Variants in PCDHA12 observed in about 807,000 individuals in gnomAD.
The protein encoded by PCDHA12 is protocadherin alpha-12.
In PCDHA12, 44 loss-of-function variants were observed where a neutral mutation model predicts 60.0. The observed-to-expected ratio is 0.73, with a 90% CI of 0.58 to 0.94. PCDHA12 has a LOEUF of 0.94. Among genes scored for constraint, PCDHA12 ranks in the 40% least tolerant of loss-of-function variants. The probability of loss-of-function intolerance (pLI) is 0.00; values close to 1 mark genes in which losing one functional copy is unlikely to be tolerated. For missense variants in PCDHA12, 1,276 were observed against 1,239.7 expected, an observed-to-expected ratio of 1.03 and a Z score of -0.44; for synonymous variants, 569 against 553.0, an observed-to-expected ratio of 1.03 and a Z score of -0.40.
At chr5:140,950,168 T>C (rs2094454639) in intron 1 of PCDHA12, among the ~76,000 whole-genome samples, 1 of 151,996 alleles carries the variant, frequency 6.6e-6, no homozygotes, top group Non-Finnish European at 1.5e-5. Context: ...TTATGTACTT[T>C]AGAGAATTAA....
At chr5:140,981,458 C>T (rs1465511355) in intron 2 of PCDHA12, among the ~76,000 whole-genome samples, 5 of 152,134 alleles carry the variant, frequency 3.3e-5, no homozygotes, top group African/African-American at 4.8e-5. Flanking sequence ...CCTGTAGTCC[C>T]AGCTACTTGG....
At chr5:140,955,381 T>TG (rs782287731) in intron 1 of PCDHA12, among the ~76,000 whole-genome samples, 4 of 152,136 alleles carry the variant, frequency 2.6e-5, no homozygotes, top group Non-Finnish European at 5.9e-5. Context: ...AATTGAATCA[T>TG]GGGGGCAATT....
Position 140,882,403 on chromosome 5 carries a change from G to A in PCDHA12, c.2367+4564G>A, listed in dbSNP as rs536389638. ...AGGAAGCAAAACACGGCACCTTCGTGGGCCGCATCGCTCAGGACCTGGGGC... is the reference window on the plus strand; with the variant it reads ...AGGAAGCAAAACACGGCACCTTCGTAGGCCGCATCGCTCAGGACCTGGGGC... On this transcript the variant is annotated intron_variant, in intron 1 of 3. Transcript: ENST00000398631. 1.9e-5 allele frequency: 31 copies of A among 1,614,168 alleles called. No homozygotes were observed. In the South Asian group the frequency reaches 3.3e-4, roughly 17 times the overall value.
intron 1 of PCDHA12, among the ~76,000 whole-genome samples, chr5:140,942,439 A>C (rs1554214983): frequency 6.6e-6 from 1 of 152,200 alleles, no homozygotes; most frequent in Non-Finnish European, 1.5e-5. Context: ...AACAATAAAC[A>C]AGTAAACTAT....
intron 2 of PCDHA12, among the ~76,000 whole-genome samples, chr5:140,979,550 T>C (rs1201791524): frequency 5.3e-5 from 8 of 152,238 alleles, no homozygotes; most frequent in Non-Finnish European, 7.3e-5. Flanking sequence ...ACATGGTTCT[T>C]CAGAAGATGA....
intron 1 of PCDHA12, chr5:140,927,184 G>A (rs781951426): frequency 1.2e-6 from 2 of 1,614,160 alleles, no homozygotes; most frequent in South Asian, 1.1e-5. Context: ...CTTGACCTAC[G>A]ACCTGGTGCT....
intron 1 of PCDHA12, 107 bp downstream of exon 1, chr5:140,877,946 C>T (rs996993086): frequency 3.2e-5 from 43 of 1,349,440 alleles, no homozygotes; most frequent in Non-Finnish European, 4.0e-5. Context: ...TTTAAACTAT[C>T]GAATGTCTCA....
intron 1 of PCDHA12, among the ~76,000 whole-genome samples, chr5:140,886,844 A>AAAAG (rs1232979230): frequency 8.6e-5 from 13 of 150,634 alleles, no homozygotes; most frequent in African/African-American, 1.2e-4. Flanking sequence ...AAAAAAAAAA[A>AAAAG]AAAGAAAGGT....
At chr5:140,992,319 T>C (rs1474763849) in intron 3 of PCDHA12, among the ~76,000 whole-genome samples, 1 of 152,174 alleles carries the variant, frequency 6.6e-6, no homozygotes, top group Admixed American at 6.6e-5. Context: ...GGGCATTCCC[T>C]TTTCTAAGAG....
chr5:140,919,357 G>C (rs1158844072), intron 1 of PCDHA12, among the ~76,000 whole-genome samples: 3 of 152,148 alleles, frequency 2.0e-5, no homozygotes, highest in Non-Finnish European at 4.4e-5. Flanking sequence ...GAATCTAAAA[G>C]TGTCTCCTGC....
intron 1 of PCDHA12, chr5:140,883,572 T>C: frequency 6.2e-7 from 1 of 1,614,098 alleles, no homozygotes; most frequent in Non-Finnish European, 8.5e-7. Flanking sequence ...TCGCCTTCGC[T>C]GTGGGCCACG....
intron 3 of PCDHA12, among the ~76,000 whole-genome samples, chr5:141,004,792 C>G (rs2098181519): frequency 6.6e-6 from 1 of 152,170 alleles, no homozygotes; most frequent in African/African-American, 2.4e-5. Flanking sequence ...CAGGCAGATT[C>G]TGGCTGAGCT....
intron 1 of PCDHA12, 142 bp from the exon 2 acceptor site, chr5:140,978,807 A>T (rs1489269679): frequency 6.7e-7 from 1 of 1,494,726 alleles, no homozygotes; most frequent in Non-Finnish European, 8.9e-7. Context: ...AGATATCATC[A>T]TAGAGTTACA....
At position 140,885,065 on chromosome 5, in the gene PCDHA12, T is replaced by TA. The variant is rs1440762512; in HGVS notation, c.2367+7227dup. ...TTAATGTATACATATACCCACAAGATATTATTTTAAAGAGCCCCATAACTT... is the reference window on the plus strand; with the variant it reads ...TTAATGTATACATATACCCACAAGATAATTATTTTAAAGAGCCCCATAACTT... On this transcript the variant is annotated intron_variant, in intron 1 of 3. Coordinates refer to ENST00000398631, the MANE Select transcript of PCDHA12 (RefSeq NM_018903.4). Among the ~76,000 whole-genome samples the TA allele has an allele frequency of 7.2e-5, 11 of 152,294 alleles. 1 individual carries two copies. Among genetic ancestry groups the TA allele is most frequent in the African/African-American group, 2.6e-4 (11 of 41,580 alleles).
At chr5:140,962,207 A>G (rs1364251526) in intron 1 of PCDHA12, among the ~76,000 whole-genome samples, 13 of 152,236 alleles carry the variant, frequency 8.5e-5, no homozygotes, top group Admixed American at 3.3e-4. Flanking sequence ...CTATCTCCTT[A>G]TTGATCTTGA....
At chr5:140,968,508 A>C (rs977964716) in intron 1 of PCDHA12, 1 of 1,613,950 alleles carries the variant, frequency 6.2e-7, no homozygotes, top group African/African-American at 1.3e-5. Context: ...CACATTCTGT[A>C]CCCTACCTCA....
At chr5:140,909,484 G>A (rs981292788) in intron 1 of PCDHA12, among the ~76,000 whole-genome samples, 1 of 152,180 alleles carries the variant, frequency 6.6e-6, no homozygotes, top group African/African-American at 2.4e-5. Context: ...CTAAATAGGA[G>A]AGCTGAACGG....
chr5:140,915,553 A>T (rs1317422262), intron 1 of PCDHA12, among the ~76,000 whole-genome samples: 1 of 152,156 alleles, frequency 6.6e-6, no homozygotes, highest in African/African-American at 2.4e-5. Context: ...AATAAGATCC[A>T]GAATGATTAT....
Position 140,877,745 on chromosome 5 carries a change from T to C in PCDHA12, c.2273T>C (p.Val758Ala), listed in dbSNP as rs1554170071. Reference sequence around the variant, plus strand: ...TACTCGCAGCAGAGGAGGCAGAGGGTGTGCTCTGCAGAGAGCCCGCCCAAG... The same window carrying C: ...TACTCGCAGCAGAGGAGGCAGAGGGCGTGCTCTGCAGAGAGCCCGCCCAAG... ...WSYSQQRRQR[V>A]CSAESPPKTD... The change falls in exon 1 of 4, where the codon GTG becomes GCG. Residue 758 changes from valine (V) to alanine (A), a missense_variant. Physicochemically the swap from Val to Ala is moderately conservative, Grantham distance 64. Coordinates refer to ENST00000398631, the MANE Select transcript of PCDHA12 (RefSeq NM_018903.4). The C allele has an allele frequency of 1.9e-6, 3 of 1,614,108 alleles. No homozygotes were observed. Among genetic ancestry groups the C allele is most frequent in the Non-Finnish European group, 2.5e-6 (3 of 1,180,020 alleles).
Sources: gnomAD v4.1 joint callset for allele counts (sites outside exome capture counted in the v4.1 genomes callset) on GRCh38, gnomAD v4.1.1 for gene constraint, MANE v1.5 for transcripts, NCBI Gene and HGNC (gene_info 2026-07-23, HGNC 2026-07-21) for gene names.